AGBL1: variants seen among roughly 807,000 people sequenced by gnomAD.
AGBL1 encodes the protein cytosolic carboxypeptidase 4.
Under a neutral mutation model 118.9 loss-of-function variants are expected in AGBL1, and 130 were observed. That is an observed-to-expected ratio of 1.09 (90% CI 0.95 to 1.26). The LOEUF (loss-of-function observed/expected upper bound fraction) is 1.26. Ranked by LOEUF, AGBL1 falls within the 50% of genes most tolerant of loss-of-function variation. AGBL1 has a pLI of 0.00. For synonymous variants in AGBL1, 555 were observed against 478.9 expected (o/e 1.16, Z -2.08); for missense variants, 1,584 against 1,298.1 (o/e 1.22, Z -3.38).
chr15:86,382,893 G>A (rs1469815918), intron 17 of AGBL1, among the ~76,000 whole-genome samples: 2 of 152,018 alleles, frequency 1.3e-5, no homozygotes. Context: ...AACACCTCCA[G>A]AACTGCACAA....
At chr15:86,370,942 C>T (rs1348102787) in intron 17 of AGBL1, among the ~76,000 whole-genome samples, 8 of 152,174 alleles carry the variant, frequency 5.3e-5, no homozygotes, top group Non-Finnish European at 1.0e-4. Context: ...CATGTGAAGG[C>T]TCTTGGGTCT....
At chr15:86,924,803 C>T (rs1182011470) in intron 23 of AGBL1, among the ~76,000 whole-genome samples, 1 of 152,022 alleles carries the variant, frequency 6.6e-6, no homozygotes, top group Non-Finnish European at 1.5e-5. Flanking sequence ...TGATCAGGTG[C>T]GGTAACTCAC....
intron 17 of AGBL1, among the ~76,000 whole-genome samples, chr15:86,345,177 G>A (rs2080517468): frequency 6.6e-6 from 1 of 151,754 alleles, no homozygotes; most frequent in Admixed American, 6.6e-5. Flanking sequence ...TTACCTGCAG[G>A]AAACATGCGT....
chr15:86,749,517 A>C (rs375536911), intron 22 of AGBL1, among the ~76,000 whole-genome samples: 2 of 151,412 alleles, frequency 1.3e-5, no homozygotes, highest in African/African-American at 2.4e-5. Context: ...TCTCCTGCCT[A>C]ATTGCCCTGG....
At chr15:86,390,503 G>A (rs1367422953) in intron 17 of AGBL1, among the ~76,000 whole-genome samples, 1 of 152,034 alleles carries the variant, frequency 6.6e-6, no homozygotes, top group Non-Finnish European at 1.5e-5. Flanking sequence ...CAAGAGGTAA[G>A]AGAATAAACA....
chr15:86,701,179 A>C (rs760418083), intron 22 of AGBL1, among the ~76,000 whole-genome samples: 1 of 152,104 alleles, frequency 6.6e-6, no homozygotes, highest in Non-Finnish European at 1.5e-5. Context: ...TGCTGGGAGA[A>C]TTTCAGCCTG....
chr15:86,210,739 C>A (rs1282248739), intron 5 of AGBL1, among the ~76,000 whole-genome samples: 2 of 152,120 alleles, frequency 1.3e-5, no homozygotes, highest in African/African-American at 2.4e-5. Flanking sequence ...AGGTTTTTAG[C>A]TTCCTTGAGA....
intron 17 of AGBL1, among the ~76,000 whole-genome samples, chr15:86,378,498 G>T (rs75313364): frequency 0.13 from 20,180 of 151,956 alleles, 1,447 homozygotes; most frequent in Admixed American, 0.17. Context: ...AGCCAGCCCT[G>T]GTCATCCAGT....
intron 7 of AGBL1, among the ~76,000 whole-genome samples, chr15:86,251,577 G>A (rs917835042): frequency 2.6e-5 from 4 of 152,078 alleles, no homozygotes; most frequent in Non-Finnish European, 4.4e-5. Context: ...CCACACCTTT[G>A]CCATCATAAT....
chr15:86,745,028 G>A (rs890730813), intron 22 of AGBL1, among the ~76,000 whole-genome samples: 4 of 152,048 alleles, frequency 2.6e-5, no homozygotes, highest in African/African-American at 9.7e-5. Context: ...TGGACCACTG[G>A]GGGAAGACAA....
At chr15:86,218,771 C>T (rs899441745) in intron 5 of AGBL1, among the ~76,000 whole-genome samples, 8 of 152,162 alleles carry the variant, frequency 5.3e-5, no homozygotes, top group Admixed American at 5.2e-4. Flanking sequence ...GTTGATACAG[C>T]AAGCCGGCAG....
chr15:86,442,406 T>G lies in AGBL1; in HGVS notation c.2555+44860T>G, dbSNP rs1385905325. Among the ~76,000 whole-genome samples the G allele has an allele frequency of 2.0e-5, 3 of 152,230 alleles. No individual in the cohort carries two copies. In the East Asian group the frequency reaches 5.8e-4, roughly 29 times the overall value. On this transcript the variant is annotated intron_variant, in intron 18 of 22. Transcript: ENST00000614907. ...CATTTTCTTTTCTGGCCTAGATGCC[T>G]CTTCCTCATTTGTAAGTGAATATAA... is the stretch of plus-strand genomic sequence containing the variant.
At chr15:86,918,999 A>AT (rs1408807891), downstream of AGBL1, among the ~76,000 whole-genome samples, 1 of 151,890 alleles carries the variant, frequency 6.6e-6, no homozygotes, top group African/African-American at 2.4e-5. Context: ...TGGTGACTCT[A>AT]TTTTTTTCAG....
At position 86,389,799 on chromosome 15, in the gene AGBL1, G is replaced by GA. The variant is rs571145584; in HGVS notation, c.2375-7561dup. Reference sequence around the variant, plus strand: ...ATGTATAACTTAAGCTAATAGAGGAGAAAAAAGAAACAATGGGAAAAAAAC... The same window carrying GA: ...ATGTATAACTTAAGCTAATAGAGGAGAAAAAAAGAAACAATGGGAAAAAAAC... On this transcript the variant is annotated intron_variant, in intron 17 of 22. Transcript: ENST00000614907. 1.4e-3 allele frequency among the ~76,000 whole-genome samples: 216 copies of GA among 150,910 alleles called. 1 individual carries two copies. The highest frequency in any genetic ancestry group is 5.1e-3 in the African/African-American group (211 of 41,138).
intron 22 of AGBL1, among the ~76,000 whole-genome samples, chr15:86,849,441 G>C (rs564937930): frequency 6.6e-6 from 1 of 151,860 alleles, no homozygotes; most frequent in Non-Finnish European, 1.5e-5. Context: ...ATTACTAGCA[G>C]CTATTGAATC....
intron 22 of AGBL1, among the ~76,000 whole-genome samples, chr15:86,854,727 G>C (rs2079454128): frequency 6.6e-6 from 1 of 152,158 alleles, no homozygotes. Flanking sequence ...AATAGAGCTT[G>C]ACTCTTCATG....
intron 23 of AGBL1, among the ~76,000 whole-genome samples, chr15:86,929,080 G>A (rs1311094213): frequency 6.6e-6 from 1 of 151,894 alleles, no homozygotes; most frequent in African/African-American, 2.4e-5. Flanking sequence ...GGAGTGCAGT[G>A]TTTATTTGTA....
chr15:86,524,372 G>A (rs991070585), intron 19 of AGBL1, among the ~76,000 whole-genome samples: 1 of 152,198 alleles, frequency 6.6e-6, no homozygotes, highest in Non-Finnish European at 1.5e-5. Context: ...AGAGGACACA[G>A]ATTAAAATCA....
At chr15:86,151,164 G>T (rs1230585104) in intron 3 of AGBL1, among the ~76,000 whole-genome samples, 2 of 152,014 alleles carry the variant, frequency 1.3e-5, no homozygotes, top group Non-Finnish European at 2.9e-5. Flanking sequence ...GGGGTGGGGT[G>T]GGGGAGGGAT....
Sources: allele counts gnomAD v4.1 joint callset (sites outside exome capture counted in the v4.1 genomes callset), GRCh38; gene constraint gnomAD v4.1.1; transcripts MANE v1.5; gene names NCBI Gene and HGNC (gene_info 2026-07-23, HGNC 2026-07-21).